Variants in WEE1 observed in about 807,000 individuals in gnomAD.
The protein encoded by WEE1 is WEE1 G2 checkpoint kinase.
In WEE1, 16 loss-of-function variants were observed where a neutral mutation model predicts 68.8. The observed-to-expected ratio is 0.23, with a 90% CI of 0.16 to 0.35. The LOEUF is 0.35. Ranked by LOEUF, WEE1 falls within the 10% of genes least tolerant of loss-of-function variation. The pLI is 1.00. For synonymous variants in WEE1, 349 were observed against 318.7 expected (o/e 1.09, Z -1.01); for missense variants, 651 against 824.1 (o/e 0.79, Z 2.57).
Position 9,586,712 on chromosome 11 carries a change from T to A in WEE1, c.1643T>A (p.Val548Asp). ...LSQEFTELLK[V>D]MIHPDPERRP... ...CTTCATTTTACTTTTCTTTTTAAGG[T>A]TATGATTCATCCAGATCCAGAGAGA... The change falls in exon 10 of 11, where the codon GTT becomes GAT. Residue 548 changes from valine to aspartate, a missense_variant and splice_region_variant. Physicochemically the swap from Val to Asp is radical, Grantham distance 152. This residue lies in a region of WEE1 where 115 missense variants were observed against 142.7 expected (regional missense o/e 0.81). Coordinates refer to ENST00000450114, the MANE Select transcript of WEE1 (RefSeq NM_003390.4). 1 of 1,613,258 alleles carries A rather than the reference T, an allele frequency of 6.2e-7. No individual in the cohort carries two copies. The highest frequency in any genetic ancestry group is 8.5e-7 in the Non-Finnish European group (1 of 1,179,832).
chr11:9,576,576 T>C lies in WEE1; in HGVS notation c.936T>C (p.Ser312=). The change falls in exon 4 of 11, where the codon TCT becomes TCC. Residue 312 remains serine (S), a synonymous_variant. Transcript: ENST00000450114. The surrounding 1 kb of genome is among the most constrained non-coding windows in gnomAD (Gnocchi z 4.3). ...LEKIGSGEFG[S]VFKCVKRLDG... The stretch of plus-strand genomic sequence containing the variant: ...AAATCGGCTCTGGAGAATTTGGTTC[T>C]GTATTTAAGTGTGTGAAGAGGCTGG... 6.2e-7 allele frequency: 1 copy of C among 1,614,080 alleles called. No individual in the cohort carries two copies. The highest frequency in any genetic ancestry group is 1.1e-5 in the South Asian group (1 of 91,078).
intron 4 of WEE1, 70 bp from the exon 5 acceptor site, chr11:9,577,072 A>G: frequency 1.3e-6 from 2 of 1,493,570 alleles, no homozygotes; most frequent in South Asian, 1.3e-5. Context: ...ATGAAGTTTC[A>G]GATAAATTAA....
Position 9,573,999 on chromosome 11 carries a change from G to A in WEE1, c.66G>A (p.Arg22=), listed in dbSNP as rs780265656. Residue 22 remains arginine, a synonymous_variant, in exon 1 of 11, where the codon CGG becomes CGA. Coordinates refer to ENST00000450114, the MANE Select transcript of WEE1 (RefSeq NM_003390.4). ...PRRAGAACTL[R]QKLIFSPCSD... ...GCGCCGGGGCGGCCTGCACCTTGCG[G>A]CAGAAGCTGATCTTCTCGCCCTGCA... 2.3e-6 allele frequency: 3 copies of A among 1,286,402 alleles called. No homozygotes were observed. Among genetic ancestry groups the A allele is most frequent in the Middle Eastern group, 2.1e-4 (1 of 4,764 alleles). 79.7% of individuals were successfully genotyped at this position (1,286,402 alleles called of 1,614,324 possible).
At chr11:9,582,959 A>G (rs1289699975) in intron 6 of WEE1, among the ~76,000 whole-genome samples, 1 of 152,244 alleles carries the variant, frequency 6.6e-6, no homozygotes, top group East Asian at 1.9e-4. Flanking sequence ...AGTGTTAGAC[A>G]AATATAATAG....
At chr11:9,581,502 GA>G (rs1268861758) in intron 5 of WEE1, 29 bp from the exon 6 acceptor site, 1 of 1,568,352 alleles carries the variant, frequency 6.4e-7, no homozygotes. Flanking sequence ...TCAGAAAGAA[GA>G]AAATGCTAAT....
intron 5 of WEE1, chr11:9,577,928 C>G (rs1357540229): frequency 4.4e-6 from 2 of 455,610 alleles, no homozygotes; most frequent in Non-Finnish European, 8.8e-6. Flanking sequence ...TATGTCTCTC[C>G]TTTTCTATTA....
intron 10 of WEE1, among the ~76,000 whole-genome samples, chr11:9,587,489 C>T (rs1035167789): frequency 1.2e-4 from 19 of 152,162 alleles, no homozygotes; most frequent in African/African-American, 2.7e-4. Flanking sequence ...CAAAAGTTAA[C>T]GTTGTCCTTG....
intron 8 of WEE1, 56 bp from the exon 9 acceptor site, chr11:9,586,393 C>G: frequency 6.6e-7 from 1 of 1,506,910 alleles, no homozygotes. Context: ...GAGGTGTAAT[C>G]TTGTTTTATT....
chr11:9,586,336 G>C, intron 8 of WEE1, 113 bp from the exon 9 acceptor site: 1 of 905,598 alleles, frequency 1.1e-6, no homozygotes, highest in Non-Finnish European at 1.7e-6. Flanking sequence ...CTTAAATGTG[G>C]TATTAGACAC....
At position 9,575,944 on chromosome 11, in the gene WEE1, T is replaced by G; in HGVS notation, c.633T>G (p.Ser211Arg). ...IDSSSVKLRG[S>R]SLFMDTEKSG... ...CCAGCTCTGTTAAACTCCGGGGTAGTTCTCTCTTCATGGATACAGAAAAAT... is the reference window on the plus strand; with the variant it reads ...CCAGCTCTGTTAAACTCCGGGGTAGGTCTCTCTTCATGGATACAGAAAAAT... Residue 211 changes from serine (S) to arginine (R), a missense_variant, in exon 2 of 11, where the codon AGT (serine) becomes AGG (arginine). Around this residue, in one of 5 missense-constraint regions of WEE1, gnomAD observed 395 missense variants for 378.4 expected, o/e 1.04. Transcript: ENST00000450114. 1 of 1,614,192 alleles carries G rather than the reference T, an allele frequency of 6.2e-7. No homozygotes were observed. The highest frequency in any genetic ancestry group is 8.5e-7 in the Non-Finnish European group (1 of 1,180,032).
intron 6 of WEE1, among the ~76,000 whole-genome samples, chr11:9,583,482 GCAGGCA>G (rs1849651492): frequency 6.7e-6 from 1 of 150,002 alleles, no homozygotes; most frequent in African/African-American, 2.5e-5. Flanking sequence ...GGGTGTGGTG[GCAGGCA>G]CCTGTAGTCC....
At position 9,588,572 on chromosome 11, in the gene WEE1, G is replaced by C; in HGVS notation, c.1911G>C (p.Met637Ile). 1 of 1,606,922 alleles carries C rather than the reference G, an allele frequency of 6.2e-7. No individual in the cohort carries two copies. Among genetic ancestry groups the C allele is most frequent in the Non-Finnish European group, 8.5e-7 (1 of 1,178,062 alleles). ...NRTSRLIGKK[M>I]NRSVSLTIY ...CATCTCGACTTATTGGAAAGAAAAT[G>C]AACCGCTCTGTCAGCCTTACTATAT... is the stretch of plus-strand genomic sequence containing the variant. The change falls in exon 11 of 11, where the codon ATG becomes ATC. Residue 637 changes from methionine (M) to isoleucine (I), a missense_variant. This residue lies in a region of WEE1 where 115 missense variants were observed against 142.7 expected (regional missense o/e 0.81). Transcript: ENST00000450114.
chr11:9,587,899 T>G (rs1023713349), intron 10 of WEE1, among the ~76,000 whole-genome samples: 3 of 152,174 alleles, frequency 2.0e-5, no homozygotes, highest in Non-Finnish European at 2.9e-5. Context: ...GGAAATAAAG[T>G]GTTCCTTTCA....
At position 9,586,595 on chromosome 11, in the gene WEE1, C is replaced by T. The variant is rs772315646; in HGVS notation, c.1617C>T (p.Ser539=). ...GRLPRIPQVL[S]QEFTELLKVM... is the part of the protein sequence containing the mutation. ...TACCTCGGATACCACAAGTGCTTTC[C>T]CAAGAATTTACAGAGTTGCTAAAAG... The change falls in exon 9 of 11, where the codon TCC becomes TCT. Residue 539 remains serine, a synonymous_variant. Transcript: ENST00000450114. 2 of 1,613,916 alleles carry T rather than the reference C, an allele frequency of 1.2e-6. No homozygotes were observed. The highest frequency in any genetic ancestry group is 2.7e-5 in the African/African-American group (2 of 74,872).
At chr11:9,582,728 G>A (rs551145030) in intron 6 of WEE1, among the ~76,000 whole-genome samples, 9 of 151,988 alleles carry the variant, frequency 5.9e-5, no homozygotes, top group Admixed American at 3.3e-4. Flanking sequence ...CACCATGCCC[G>A]GCTAATTTTT....
rs1272671916 is a variant in WEE1, at chr11:9,573,805, C to T, written c.-129C>T. The T allele has an allele frequency of 2.7e-5, 21 of 778,528 alleles. No homozygotes were observed. Among genetic ancestry groups the T allele is most frequent in the Admixed American group, 5.0e-5 (1 of 19,924 alleles). The allele number at this position is 778,528 out of a possible 1,614,324, so 48.2% of individuals were successfully genotyped here. A position where few individuals can be genotyped will look rare whatever the true frequency, so the allele number is the denominator to read the frequency against. On this transcript the variant is annotated 5_prime_UTR_variant, in exon 1 of 11. Transcript: ENST00000450114. ...GCGCCCCGGAGCCGCAGGCCGCCGC[C>T]GCGCAGAGACGCCGCGGCTGCGACT... is the stretch of plus-strand genomic sequence containing the variant.
chr11:9,574,329 C>T lies in WEE1; in HGVS notation c.396C>T (p.Tyr132=), dbSNP rs1849539449. 4.7e-6 allele frequency: 6 copies of T among 1,273,866 alleles called. No individual in the cohort carries two copies. The highest frequency in any genetic ancestry group is 1.6e-5 in the African/African-American group (1 of 64,350). 78.9% of individuals were successfully genotyped at this position (1,273,866 alleles called of 1,614,324 possible). Residue 132 remains tyrosine, a synonymous_variant, in exon 1 of 11, where the codon TAC becomes TAT. Transcript: ENST00000450114. The surrounding 1 kb of genome is among the most constrained non-coding windows in gnomAD (Gnocchi z 4.9). ...CGGTCAAGTCGCCGGCGGCCCCCTA[C>T]TTCCTGGGTAGCTCTTTCTCGCCGG... ...SSPVKSPAAP[Y]FLGSSFSPVR...
intron 5 of WEE1, chr11:9,577,777 A>T (rs1849580249): frequency 2.3e-6 from 1 of 437,766 alleles, no homozygotes; most frequent in Non-Finnish European, 4.5e-6. Context: ...CTAACGCTTT[A>T]TTATGTTACA....
intron 6 of WEE1, among the ~76,000 whole-genome samples, chr11:9,583,798 CACACATATATATATATATATATATAT>C (rs1328287224): frequency 9.0e-5 from 2 of 22,230 alleles, no homozygotes; most frequent in Non-Finnish European, 1.8e-4. Flanking sequence ...CACACACACA[CACACATATATATATATATATATATAT>C]ATATATATAT....
Sources: gnomAD v4.1 joint callset for allele counts (sites outside exome capture counted in the v4.1 genomes callset) on GRCh38, gnomAD v4.1.1 for gene constraint, gnomAD v4.1.1 regional missense constraint, Gnocchi (gnomAD v3.1) non-coding constraint, MANE v1.5 for transcripts, NCBI Gene and HGNC (gene_info 2026-07-23, HGNC 2026-07-21) for gene names.